The following FAM184B variants were observed in gnomAD, a reference collection of about 807,000 sequenced individuals.
FAM184B encodes the protein protein FAM184B.
A neutral mutation model predicts 135.9 loss-of-function variants in FAM184B; 111 were observed. The observed-to-expected ratio is 0.82, with a 90% confidence interval of 0.70 to 0.96. FAM184B has a LOEUF of 0.96. Ranked by LOEUF, FAM184B falls within the 40% of genes least tolerant of loss-of-function variation. The pLI is 0.00. For missense variants in FAM184B, 1,375 were observed against 1,323.9 expected (o/e 1.04, Z -0.60); for synonymous variants, 552 against 524.8 (o/e 1.05, Z -0.71).
At chr4:17,659,892 C>T (rs1023976154) in intron 9 of FAM184B, 66 bp downstream of exon 9, 1 of 1,535,534 alleles carries the variant, frequency 6.5e-7, no homozygotes, top group East Asian at 2.5e-5. Context: ...CATGCATTTC[C>T]AAGTTTGTAA....
rs554493200 is a variant in FAM184B at position 17,728,831 on chromosome 4, G to T, written c.142-19187C>A. ...AGCTCCCAGCGTGAGCGACACAGAA[G>T]ACAGGTGATTTCTGCATTTCCATCT... On this transcript the variant is annotated intron_variant, in intron 1 of 17. Coordinates refer to ENST00000265018, the MANE Select transcript of FAM184B (RefSeq NM_015688.2). 5.3e-5 allele frequency among the ~76,000 whole-genome samples: 8 copies of T among 152,314 alleles called. No individual in the cohort carries two copies. The East Asian group carries it at 1.4e-3, about 26-fold the overall frequency.
rs1248079074 is a variant in FAM184B at position 17,630,938 on chromosome 4, G to C, written c.*1594C>G. ...AGTTTTATTCAAAGAGCAAAGATTT[G>C]ACAATGCATAGAATTAACATTGGTT... On this transcript the variant is annotated 3_prime_UTR_variant, in exon 18 of 18. Transcript: ENST00000265018. 1 of 152,170 alleles carries C rather than the reference G, an allele frequency of 6.6e-6. No homozygotes were observed. The highest frequency in any genetic ancestry group is 2.4e-5 in the African/African-American group (1 of 41,450). 9.4% of individuals were successfully genotyped at this position (152,170 alleles called of 1,614,324 possible). A position where few individuals can be genotyped will look rare whatever the true frequency, so the allele number is the denominator to read the frequency against.
chr4:17,730,570 G>A (rs947759917), intron 1 of FAM184B, among the ~76,000 whole-genome samples: 5 of 152,144 alleles, frequency 3.3e-5, no homozygotes, highest in Non-Finnish European at 5.9e-5. Context: ...AGATCTCTTC[G>A]CAGAAACTCT....
intron 1 of FAM184B, among the ~76,000 whole-genome samples, chr4:17,745,718 G>T (rs763940473): frequency 2.0e-5 from 3 of 152,080 alleles, no homozygotes; most frequent in Non-Finnish European, 4.4e-5. Context: ...CTTGGTTTCT[G>T]ATTTTCAGAG....
intron 8 of FAM184B, among the ~76,000 whole-genome samples, chr4:17,662,344 C>CT (rs35855307): frequency 2.3e-4 from 35 of 149,330 alleles, no homozygotes; most frequent in South Asian, 8.5e-4. Flanking sequence ...ATATTTTTTT[C>CT]TTTTTTTTTT....
At chr4:17,732,381 C>A (rs1276821698) in intron 1 of FAM184B, among the ~76,000 whole-genome samples, 2 of 151,992 alleles carry the variant, frequency 1.3e-5, no homozygotes, top group East Asian at 3.9e-4. Context: ...CCTTCAAAAA[C>A]ATCAATGAAT....
Position 17,635,100 on chromosome 4 carries a change from A to T in FAM184B, c.2798T>A (p.Phe933Tyr), listed in dbSNP as rs1715086368. The change falls in exon 16 of 18, where the codon TTT (phenylalanine) becomes TAT (tyrosine). Residue 933 changes from phenylalanine (F) to tyrosine (Y), a missense_variant. By Grantham distance (22) the Phe-to-Tyr change is conservative. Transcript: ENST00000265018. ...IIKQLTEERR[F>Y]HYAAFPSAMS... Reference sequence around the variant, plus strand: ...GGCACTGGGGAATGCTGCGTAGTGAAATCTTCTCTCTTCCTAGAAAACCAA... The same window carrying T: ...GGCACTGGGGAATGCTGCGTAGTGATATCTTCTCTCTTCCTAGAAAACCAA... The T allele has an allele frequency of 6.4e-7, 1 of 1,551,560 alleles. No homozygotes were observed. Among genetic ancestry groups the T allele is most frequent in the Non-Finnish European group, 8.7e-7 (1 of 1,146,840 alleles).
intron 1 of FAM184B, among the ~76,000 whole-genome samples, chr4:17,756,325 C>T (rs1718419581): frequency 6.6e-6 from 1 of 152,122 alleles, no homozygotes; most frequent in Non-Finnish European, 1.5e-5. Flanking sequence ...TGAAGGGTTT[C>T]TCTAACCAAA....
chr4:17,657,566 T>C (rs1715803824), intron 10 of FAM184B, among the ~76,000 whole-genome samples: 1 of 152,080 alleles, frequency 6.6e-6, no homozygotes, highest in East Asian at 1.9e-4. Context: ...GGATGAAACA[T>C]GCCTGAACCA....
chr4:17,658,341 T>C lies in FAM184B; in HGVS notation c.2037+9A>G. The C allele has an allele frequency of 6.4e-7, 1 of 1,551,452 alleles. No homozygotes were observed. The highest frequency in any genetic ancestry group is 2.0e-5 in the Admixed American group (1 of 50,992). On this transcript the variant is annotated intron_variant, in intron 10 of 17. Transcript: ENST00000265018. Reference sequence around the variant, plus strand: ...CGGCACAGAGTAGACGGCACAGTCATTCCCTCACCTTGAGTTCCTGATGTC... The same window carrying C: ...CGGCACAGAGTAGACGGCACAGTCACTCCCTCACCTTGAGTTCCTGATGTC...
chr4:17,638,267 C>G (rs1055513076), intron 14 of FAM184B, among the ~76,000 whole-genome samples: 2 of 151,134 alleles, frequency 1.3e-5, no homozygotes, highest in African/African-American at 4.9e-5. Context: ...CAGATCACTG[C>G]AACCTCAACC....
chr4:17,763,891 T>C (rs1426697784), intron 1 of FAM184B, among the ~76,000 whole-genome samples: 1 of 152,178 alleles, frequency 6.6e-6, no homozygotes, highest in Non-Finnish European at 1.5e-5. Flanking sequence ...AAGGCACACC[T>C]ACTTTTTTTT....
intron 1 of FAM184B, among the ~76,000 whole-genome samples, chr4:17,759,512 T>C (rs986236057): frequency 2.7e-5 from 4 of 150,872 alleles, no homozygotes; most frequent in Non-Finnish European, 5.9e-5. Context: ...TTTTCTTTTT[T>C]CTTTTTTTGA....
chr4:17,641,005 C>CTT (rs1190881851), intron 13 of FAM184B, among the ~76,000 whole-genome samples: 4 of 152,154 alleles, frequency 2.6e-5, no homozygotes, highest in Admixed American at 1.3e-4. Flanking sequence ...CCGATCTCAA[C>CTT]TCAGTGCAAC....
At chr4:17,751,050 G>A (rs548397083) in intron 1 of FAM184B, among the ~76,000 whole-genome samples, 6 of 152,054 alleles carry the variant, frequency 3.9e-5, no homozygotes, top group Non-Finnish European at 8.8e-5. Context: ...GTTCACACCT[G>A]TAATCCCAGC....
At chr4:17,633,412 T>G in intron 17 of FAM184B, 1 of 297,770 alleles carries the variant, frequency 3.4e-6, no homozygotes, top group Non-Finnish European at 6.1e-6. Flanking sequence ...AAAGGCAAGG[T>G]ATATGGAGAC....
chr4:17,665,000 C>T (rs998253485), intron 7 of FAM184B, among the ~76,000 whole-genome samples: 1 of 152,138 alleles, frequency 6.6e-6, no homozygotes, highest in African/African-American at 2.4e-5. Flanking sequence ...AATATGCAAC[C>T]GGATAATAGG....
intron 6 of FAM184B, among the ~76,000 whole-genome samples, chr4:17,693,039 C>A (rs1685456774): frequency 6.6e-6 from 1 of 151,646 alleles, no homozygotes; most frequent in Non-Finnish European, 1.5e-5. Flanking sequence ...GCAGGCTACC[C>A]ACTTGTGCCT....
intron 1 of FAM184B, among the ~76,000 whole-genome samples, chr4:17,750,896 C>G (rs1258684153): frequency 6.6e-6 from 1 of 152,048 alleles, no homozygotes; most frequent in East Asian, 1.9e-4. Context: ...GGCTTGGTAG[C>G]CTTATTCTCC....
Sources: allele counts gnomAD v4.1 joint callset (sites outside exome capture counted in the v4.1 genomes callset), GRCh38; gene constraint gnomAD v4.1.1; transcripts MANE v1.5; gene names NCBI Gene and HGNC (gene_info 2026-07-23, HGNC 2026-07-21).